Variants in FBN1 observed in about 807,000 individuals in gnomAD.
FBN1 encodes the protein fibrillin 1.
Under a neutral mutation model 365.1 loss-of-function variants are expected in FBN1, and 29 were observed. The ratio of observed to expected loss-of-function variants is 0.08; its 90% CI spans 0.06 to 0.11. FBN1 has a LOEUF of 0.11. Among genes scored for constraint, FBN1 ranks in the 10% least tolerant of loss-of-function variants. The pLI, the probability that FBN1 is intolerant of heterozygous loss-of-function variation, is 1.00. For missense variants in FBN1, 2,476 were observed against 3,703.2 expected (o/e 0.67, Z 8.60); for synonymous variants, 1,210 against 1,270.5 (o/e 0.95, Z 1.01).
At chr15:48,616,089 C>T (rs1314890944) in intron 2 of FBN1, among the ~76,000 whole-genome samples, 1 of 152,162 alleles carries the variant, frequency 6.6e-6, no homozygotes. Context: ...AAACAGAATA[C>T]TTCTTGTTTT....
Position 48,483,939 on chromosome 15 carries a change from G to A in FBN1, c.3717C>T (p.Ile1239=), listed in dbSNP as rs759387957. ...LMPDQRSCTD[I]DECEDNPNIC... is the part of the protein sequence containing the mutation. ...TATTGGGATTATCTTCACACTCATC[G>A]ATGTCTGCAAAGAATAAAACCAACA... The change falls in exon 31 of 66, where the codon ATC becomes ATT. Residue 1239 remains isoleucine (I), a synonymous_variant. Coordinates refer to ENST00000316623, the MANE Select transcript of FBN1 (RefSeq NM_000138.5). The A allele has an allele frequency of 8.1e-6, 13 of 1,612,540 alleles. No individual in the cohort carries two copies. The highest frequency in any genetic ancestry group is 2.7e-5 in the African/African-American group (2 of 74,868).
At chr15:48,517,907 T>C (rs1378441236) in intron 10 of FBN1, among the ~76,000 whole-genome samples, 1 of 152,242 alleles carries the variant, frequency 6.6e-6, no homozygotes, top group Non-Finnish European at 1.5e-5. Flanking sequence ...TAGGTCTTAC[T>C]GAAATGCATT....
At chr15:48,577,915 T>C (rs947163104) in intron 6 of FBN1, among the ~76,000 whole-genome samples, 3 of 152,172 alleles carry the variant, frequency 2.0e-5, no homozygotes, top group Non-Finnish European at 4.4e-5. Flanking sequence ...AAAGCAGTCT[T>C]CAGCTGGCAC....
At chr15:48,513,703 A>T (rs780672235) in intron 12 of FBN1, 35 bp from the exon 13 acceptor site, 1 of 1,612,878 alleles carries the variant, frequency 6.2e-7, no homozygotes, top group Non-Finnish European at 8.5e-7. Context: ...GCAAAATTAC[A>T]TAGCAATACC....
rs537899631 is a variant in FBN1 at position 48,441,203 on chromosome 15, T to G, written c.6163+518A>C. ...CTTTACTCAAATAGTTGACAAGTAT[T>G]ATTCCTAAAAATGAACAATGGCCCA... On this transcript the variant is annotated intron_variant, in intron 50 of 65. Coordinates refer to ENST00000316623, the MANE Select transcript of FBN1 (RefSeq NM_000138.5). Among the ~76,000 whole-genome samples the G allele has an allele frequency of 1.1e-4, 17 of 152,320 alleles. No individual in the cohort carries two copies. In the Middle Eastern group the frequency reaches 0.01, roughly 91 times the overall value.
chr15:48,452,863 G>A (rs1183936574), intron 44 of FBN1, among the ~76,000 whole-genome samples, 179 bp from the exon 45 acceptor site: 1 of 152,162 alleles, frequency 6.6e-6, no homozygotes, highest in Non-Finnish European at 1.5e-5. Flanking sequence ...GATGTCCTTC[G>A]ATAGGTGAAT....
At chr15:48,546,373 T>C (rs1418776242) in intron 6 of FBN1, among the ~76,000 whole-genome samples, 1 of 152,156 alleles carries the variant, frequency 6.6e-6, no homozygotes, top group African/African-American at 2.4e-5. Context: ...AAGACTTCTT[T>C]GAGGAGGTGA....
chr15:48,633,115 A>T (rs1890019084), intron 2 of FBN1, among the ~76,000 whole-genome samples: 1 of 152,218 alleles, frequency 6.6e-6, no homozygotes, highest in South Asian at 2.1e-4. Flanking sequence ...ATTGGAAAAA[A>T]AGATAATAAT....
At position 48,499,042 on chromosome 15, in the gene FBN1, C is replaced by A; in HGVS notation, c.2114-4G>T. The A allele has an allele frequency of 6.2e-7, 1 of 1,614,048 alleles. No homozygotes were observed. On this transcript the variant is annotated splice_region_variant and splice_polypyrimidine_tract_variant and intron_variant, in intron 17 of 65. Transcript: ENST00000316623. ...CTGCAGAGTGCCTGATATTCCGCTG[C>A]AATAAATTAACAGATAGTAAATGAT... is the stretch of plus-strand genomic sequence containing the variant.
chr15:48,580,207 T>G (rs1257095636), intron 6 of FBN1, among the ~76,000 whole-genome samples: 1 of 152,196 alleles, frequency 6.6e-6, no homozygotes, highest in Non-Finnish European at 1.5e-5. Flanking sequence ...ACAGTCATCA[T>G]GCATGCACTA....
At chr15:48,545,633 T>G in intron 6 of FBN1, among the ~76,000 whole-genome samples, 1 of 152,214 alleles carries the variant, frequency 6.6e-6, no homozygotes, top group East Asian at 1.9e-4. Flanking sequence ...GGTGACAAGG[T>G]GCACAACAAT....
chr15:48,588,844 A>T (rs1269744945), intron 6 of FBN1, among the ~76,000 whole-genome samples: 1 of 152,192 alleles, frequency 6.6e-6, no homozygotes, highest in African/African-American at 2.4e-5. Flanking sequence ...AAGTCATGAG[A>T]GAGGCTTCAG....
At chr15:48,524,441 T>A (rs527381886) in intron 9 of FBN1, among the ~76,000 whole-genome samples, 1 of 152,366 alleles carries the variant, frequency 6.6e-6, no homozygotes, top group Non-Finnish European at 1.5e-5. Context: ...GGGCTATTTG[T>A]ATTTTCTCAT....
chr15:48,499,474 T>C (rs1188589410), intron 17 of FBN1, among the ~76,000 whole-genome samples: 1 of 152,176 alleles, frequency 6.6e-6, no homozygotes, highest in Non-Finnish European at 1.5e-5. Flanking sequence ...ATTTCCTCAT[T>C]TCTCTCTGCA....
At chr15:48,481,560 A>G (rs1597558793) in intron 32 of FBN1, 95 bp downstream of exon 32, 1 of 1,290,198 alleles carries the variant, frequency 7.8e-7, no homozygotes, top group East Asian at 2.5e-5. Flanking sequence ...TAATATAGTT[A>G]AAATGTATGA....
chr15:48,437,757 G>T lies in FBN1; in HGVS notation c.6313+11C>A. On this transcript the variant is annotated intron_variant, in intron 51 of 65. Coordinates refer to ENST00000316623, the MANE Select transcript of FBN1 (RefSeq NM_000138.5). ...GCATGGCCCAGAGAGAAATGCAGAT[G>T]ACAGACATACCATCAGGTTCCGTGG... The T allele has an allele frequency of 6.2e-7, 1 of 1,613,562 alleles. No individual in the cohort carries two copies. Among genetic ancestry groups the T allele is most frequent in the South Asian group, 1.1e-5 (1 of 91,072 alleles).
intron 60 of FBN1, among the ~76,000 whole-genome samples, chr15:48,423,338 T>G (rs950138548): frequency 4.6e-5 from 7 of 152,068 alleles, no homozygotes; most frequent in African/African-American, 1.7e-4. Context: ...GAGTAACATC[T>G]GGAGTGGACC....
At chr15:48,438,029 C>T (rs1322192864) in intron 50 of FBN1, 112 bp from the exon 51 acceptor site, 2 of 1,063,194 alleles carry the variant, frequency 1.9e-6, no homozygotes, top group Non-Finnish European at 2.9e-6. Flanking sequence ...CTCAGGACCA[C>T]AGCAATACTC....
chr15:48,547,129 A>C (rs770808160), intron 6 of FBN1, among the ~76,000 whole-genome samples: 11 of 152,138 alleles, frequency 7.2e-5, no homozygotes, highest in Non-Finnish European at 1.2e-4. Flanking sequence ...TTATACCCTG[A>C]CTTGTGTGTT....
Sources: gnomAD v4.1 joint callset for allele counts (sites outside exome capture counted in the v4.1 genomes callset) on GRCh38, gnomAD v4.1.1 for gene constraint, MANE v1.5 for transcripts, NCBI Gene and HGNC (gene_info 2026-07-23, HGNC 2026-07-21) for gene names.